The following XIRP1 variants were observed in gnomAD, a reference collection of about 807,000 sequenced individuals.
XIRP1 encodes the protein xin actin binding repeat containing 1.
For synonymous variants in XIRP1, 984 were observed against 947.0 expected (o/e 1.04, Z -0.72); for missense variants, 2,378 against 2,345.4 (o/e 1.01, Z -0.29).
At position 39,184,103 on chromosome 3, in the gene XIRP1, T is replaced by C; in HGVS notation, c.5343A>G (p.Thr1781=). 1.2e-6 allele frequency: 2 copies of C among 1,605,834 alleles called. No homozygotes were observed. Among genetic ancestry groups the C allele is most frequent in the Middle Eastern group, 1.7e-4 (1 of 6,034 alleles). The change falls in exon 2 of 2, where the codon ACA becomes ACG. Residue 1781 remains threonine, a synonymous_variant. Coordinates refer to ENST00000340369, the MANE Select transcript of XIRP1 (RefSeq NM_194293.4). ...TGACTGTGGTGGAAGACATGAGGACTGTGTTCCCAAACTGGTCCACCTCCT... is the reference window on the plus strand; with the variant it reads ...TGACTGTGGTGGAAGACATGAGGACCGTGTTCCCAAACTGGTCCACCTCCT... ...QYEEVDQFGN[T]VLMSSTTVTE...
In XIRP1 at chr3:39,186,960, C is replaced by T. The variant is rs2039990252; in HGVS notation, c.2486G>A (p.Arg829Lys). The T allele has an allele frequency of 1.9e-6, 3 of 1,609,288 alleles. No individual in the cohort carries two copies. The highest frequency in any genetic ancestry group is 1.7e-6 in the Non-Finnish European group (2 of 1,176,096). ...KEELVSGELPRIICQVLRRPD... is the reference protein window; with the variant it reads ...KEELVSGELPKIICQVLRRPD... ...CCGGCGCAGGACTTGGCAGATGATC[C>T]TGGGAAGTTCACCTGACACCAGCTC... Residue 829 changes from arginine to lysine, a missense_variant, in exon 2 of 2, where the codon AGG becomes AAG. Arg to Lys is a conservative substitution (Grantham distance 26, BLOSUM62 2). Transcript: ENST00000340369.
chr3:39,184,663 T>C lies in XIRP1; in HGVS notation c.4783A>G (p.Arg1595Gly). 1.2e-6 allele frequency: 2 copies of C among 1,614,084 alleles called. No homozygotes were observed. ...ACCTCCTGGCCTGAGCCACTGGGCC[T>C]GGCGCTACTGCTGACTGTGACACTG... ...KISVTVSSSARPSGSGQEVGG... is the reference protein window; with the variant it reads ...KISVTVSSSAGPSGSGQEVGG... The change falls in exon 2 of 2, where the codon AGG becomes GGG. Residue 1595 changes from arginine to glycine, a missense_variant. Arg to Gly is a moderately radical substitution (Grantham distance 125). Coordinates refer to ENST00000340369, the MANE Select transcript of XIRP1 (RefSeq NM_194293.4).
rs143000605 is a variant in XIRP1, at chr3:39,187,429, G to T, written c.2017C>A (p.Arg673Ser). ...FETEPLQASG[R>S]PCGRRPVRYC... ...CTCACAGGCCGTCTTCCACAGGGAC[G>T]GCCTGAGGCCTGAAGAGGCTCGGTC... Residue 673 changes from arginine to serine, a missense_variant, in exon 2 of 2, where the codon CGT becomes AGT. Arg to Ser is a moderately radical substitution (Grantham distance 110). Transcript: ENST00000340369. 7.1e-5 allele frequency: 115 copies of T among 1,614,018 alleles called. No homozygotes were observed. The African/African-American group carries it at 1.3e-3, about 19-fold the overall frequency.
Position 39,184,853 on chromosome 3 carries a change from C to A in XIRP1, c.4593G>T (p.Arg1531=), listed in dbSNP as rs761553804. Reference sequence around the variant, plus strand: ...TCAGTTGAGCAACTTCCGTGCTGACCCGTGTCAGCTCCCCAAAGGCCTGCT... The same window carrying A: ...TCAGTTGAGCAACTTCCGTGCTGACACGTGTCAGCTCCCCAAAGGCCTGCT... ...SVEQAFGELT[R]VSTEVAQLKE... is the part of the protein sequence containing the mutation. Residue 1531 remains arginine, a synonymous_variant, in exon 2 of 2, where the codon CGG becomes CGT. Coordinates refer to ENST00000340369, the MANE Select transcript of XIRP1 (RefSeq NM_194293.4). 7 of 1,609,972 alleles carry A rather than the reference C, an allele frequency of 4.3e-6. No homozygotes were observed. In the Admixed American group the frequency reaches 1.0e-4, roughly 23 times the overall value.
Position 39,188,503 on chromosome 3 carries a change from G to T in XIRP1, c.943C>A (p.Pro315Thr), listed in dbSNP as rs369665423. 3.1e-6 allele frequency: 5 copies of T among 1,605,964 alleles called. No individual in the cohort carries two copies. The highest frequency in any genetic ancestry group is 1.3e-5 in the African/African-American group (1 of 74,906). The change falls in exon 2 of 2, where the codon CCC (proline) becomes ACC (threonine). Residue 315 changes from proline (P) to threonine (T), a missense_variant. Transcript: ENST00000340369. Reference sequence around the variant, plus strand: ...AAGATCTCCCGGATGGCATCCAGGGGCTGTGTCTCAAAGATCCAGCGAGTT... The same window carrying T: ...AAGATCTCCCGGATGGCATCCAGGGTCTGTGTCTCAAAGATCCAGCGAGTT... ...SATRWIFETQ[P>T]LDAIREILVD...
At position 39,183,673 on chromosome 3, in the gene XIRP1, A is replaced by G; in HGVS notation, c.*241T>C. On this transcript the variant is annotated 3_prime_UTR_variant, in exon 2 of 2. Coordinates refer to ENST00000340369, the MANE Select transcript of XIRP1 (RefSeq NM_194293.4). ...ATTACATCCTCCACAAGCAGCTGGGAGCCCCCATCCTACCCCCACGCCTGT... is the reference window on the plus strand; with the variant it reads ...ATTACATCCTCCACAAGCAGCTGGGGGCCCCCATCCTACCCCCACGCCTGT... 3 of 590,760 alleles carry G rather than the reference A, an allele frequency of 5.1e-6. No individual in the cohort carries two copies. In the South Asian group the frequency reaches 7.7e-5, roughly 15 times the overall value. 36.6% of individuals were successfully genotyped at this position (590,760 alleles called of 1,614,324 possible).
rs754556018 is a variant in XIRP1 at position 39,184,485 on chromosome 3, A to C, written c.4961T>G (p.Leu1654Trp). Residue 1654 changes from leucine to tryptophan, a missense_variant, in exon 2 of 2, where the codon TTG becomes TGG. By Grantham distance (61) the Leu-to-Trp change is moderately conservative. Coordinates refer to ENST00000340369, the MANE Select transcript of XIRP1 (RefSeq NM_194293.4). ...TRRQETSREY[L>W]CPPRVLPSSR... ...GGAAGGTAAAACCCGAGGAGGGCACAAATACTCTCTTGATGTCTCCTGCCT... is the reference window on the plus strand; with the variant it reads ...GGAAGGTAAAACCCGAGGAGGGCACCAATACTCTCTTGATGTCTCCTGCCT... 5.6e-6 allele frequency: 9 copies of C among 1,613,980 alleles called. No homozygotes were observed. The highest frequency in any genetic ancestry group is 8.5e-7 in the Non-Finnish European group (1 of 1,180,046).
In XIRP1 at chr3:39,185,193, C is replaced by G. The variant is rs373654719; in HGVS notation, c.4253G>C (p.Ser1418Thr). The G allele has an allele frequency of 5.0e-6, 8 of 1,613,038 alleles. No homozygotes were observed. The highest frequency in any genetic ancestry group is 3.3e-4 in the Middle Eastern group (2 of 6,078). ...PRPTKNQATG[S>T]NAQSSEPPKL... ...GGGGGGCTCAGAGCTCTGGGCATTG[C>G]TGCCTGTAGCCTGATTCTTGGTGGG... Residue 1418 changes from serine (S) to threonine (T), a missense_variant, in exon 2 of 2, where the codon AGC (serine) becomes ACC (threonine). By Grantham distance (58) the Ser-to-Thr change is moderately conservative. Transcript: ENST00000340369.
chr3:39,187,707 T>C lies in XIRP1; in HGVS notation c.1739A>G (p.Asp580Gly). 6.2e-7 allele frequency: 1 copy of C among 1,613,734 alleles called. No homozygotes were observed. The highest frequency in any genetic ancestry group is 2.2e-5 in the East Asian group (1 of 44,862). ...RQKEEGKSQG[D>G]PQPEAPPKGD... ...CTTTGGGGGTGCCTCAGGCTGGGGGTCTCCCTGACTCTTCCCTTCTTCTTT... is the reference window on the plus strand; with the variant it reads ...CTTTGGGGGTGCCTCAGGCTGGGGGCCTCCCTGACTCTTCCCTTCTTCTTT... The change falls in exon 2 of 2, where the codon GAC (aspartate) becomes GGC (glycine). Residue 580 changes from aspartate (D) to glycine (G), a missense_variant. By Grantham distance (94) the Asp-to-Gly change is moderately conservative. Transcript: ENST00000340369.
intron 1 of XIRP1, among the ~76,000 whole-genome samples, chr3:39,190,715 T>C (rs1268938761): frequency 1.3e-5 from 2 of 151,716 alleles, no homozygotes; most frequent in Admixed American, 6.6e-5. Context: ...GTCTTATCTC[T>C]CTTGTGACAG....
chr3:39,191,960 T>C (rs2040093542), intron 1 of XIRP1, among the ~76,000 whole-genome samples: 7 of 152,326 alleles, frequency 4.6e-5, no homozygotes, highest in South Asian at 2.1e-4. Context: ...GAGCTATCCC[T>C]GGGCCAGATA....
chr3:39,186,438 G>A lies in XIRP1; in HGVS notation c.3008C>T (p.Pro1003Leu), dbSNP rs745985294. Reference sequence around the variant, plus strand: ...TGGTGCTGCAGCTTCCCCAGCCAGAGGGACTGCCTTTCCAATGGCCTGAGG... The same window carrying A: ...TGGTGCTGCAGCTTCCCCAGCCAGAAGGACTGCCTTTCCAATGGCCTGAGG... ...CPPQAIGKAV[P>L]LAGEAAAPAQ... Residue 1003 changes from proline (P) to leucine (L), a missense_variant, in exon 2 of 2, where the codon CCT becomes CTT. By Grantham distance (98) the Pro-to-Leu change is moderately conservative. Transcript: ENST00000340369. 1.2e-6 allele frequency: 2 copies of A among 1,614,174 alleles called. No homozygotes were observed. The highest frequency in any genetic ancestry group is 1.1e-5 in the South Asian group (1 of 91,078).
At position 39,187,236 on chromosome 3, in the gene XIRP1, A is replaced by T; in HGVS notation, c.2210T>A (p.Met737Lys). ...KFTWLFENCP[M>K]GSLAAESIQG... ...GATGCTCTCAGCTGCCAGGGAGCCC[A>T]TGGGACAATTCTCAAAAAGCCAAGT... The change falls in exon 2 of 2, where the codon ATG (methionine) becomes AAG (lysine). Residue 737 changes from methionine (M) to lysine (K), a missense_variant. Transcript: ENST00000340369. 1 of 1,587,000 alleles carries T rather than the reference A, an allele frequency of 6.3e-7. No individual in the cohort carries two copies. Among genetic ancestry groups the T allele is most frequent in the Non-Finnish European group, 8.6e-7 (1 of 1,163,392 alleles).
rs2040033547 is a variant in XIRP1 at position 39,188,621 on chromosome 3, G to A, written c.825C>T (p.Thr275=). Residue 275 remains threonine, a synonymous_variant, in exon 2 of 2, where the codon ACC becomes ACT. Coordinates refer to ENST00000340369, the MANE Select transcript of XIRP1 (RefSeq NM_194293.4). ...CCTGGTTGATGGCGTCCAGAGGCCG[G>A]GTCTCAAAGAGCCAGCGGGCAGACC... ...AVRSARWLFE[T]RPLDAINQDP... is the part of the protein sequence containing the mutation. 8 of 1,613,354 alleles carry A rather than the reference G, an allele frequency of 5.0e-6. No homozygotes were observed. Among genetic ancestry groups the A allele is most frequent in the South Asian group, 1.1e-5 (1 of 91,082 alleles).
Position 39,187,551 on chromosome 3 carries a change from G to C in XIRP1, c.1895C>G (p.Pro632Arg), listed in dbSNP as rs139648346. Residue 632 changes from proline to arginine, a missense_variant, in exon 2 of 2, where the codon CCC becomes CGC. Transcript: ENST00000340369. ...GCCCACTGGCCTGTCCACAGGTTGG[G>C]GCTTGAACATCCAGGTGCAGGACTG... ...EAQSCTWMFKPQPVDRPVGSR... is the reference protein window; with the variant it reads ...EAQSCTWMFKRQPVDRPVGSR... 5 of 1,614,006 alleles carry C rather than the reference G, an allele frequency of 3.1e-6. No individual in the cohort carries two copies. The East Asian group carries it at 8.9e-5, about 29-fold the overall frequency.
In XIRP1 at chr3:39,187,049, C is replaced by T. The variant is rs1208783956; in HGVS notation, c.2397G>A (p.Glu799=). The change falls in exon 2 of 2, where the codon GAG becomes GAA. Residue 799 remains glutamate, a synonymous_variant. Transcript: ENST00000340369. ...AGAGCACATACTTGGCAAGACAGAG[C>T]TCCCCTGGCCCTCGGGCCTCCATGA... ...GILMEARGPG[E]LCLAKYVLSG... is the part of the protein sequence containing the mutation. The T allele has an allele frequency of 1.9e-6, 3 of 1,611,562 alleles. No individual in the cohort carries two copies. The highest frequency in any genetic ancestry group is 4.5e-5 in the East Asian group (2 of 44,734).
In XIRP1 at chr3:39,186,842, A is replaced by T. The variant is rs764241623; in HGVS notation, c.2604T>A (p.Ser868Arg). The T allele has an allele frequency of 6.2e-7, 1 of 1,613,380 alleles. No individual in the cohort carries two copies. The highest frequency in any genetic ancestry group is 8.5e-7 in the Non-Finnish European group (1 of 1,179,500). ...CAGGGTCCATGTCTTCAATATTCCCACTGCTGCCTGGAGTTGGCAGCCTCA... is the reference window on the plus strand; with the variant it reads ...CAGGGTCCATGTCTTCAATATTCCCTCTGCTGCCTGGAGTTGGCAGCCTCA... ...KPLRLPTPGS[S>R]GNIEDMDPEL... The change falls in exon 2 of 2, where the codon AGT (serine) becomes AGA (arginine). Residue 868 changes from serine (S) to arginine (R), a missense_variant. Physicochemically the swap from Ser to Arg is moderately radical, Grantham distance 110. Transcript: ENST00000340369.
rs765827925 is a variant in XIRP1, at chr3:39,187,568, G to A, written c.1878C>T (p.Cys626=). Residue 626 remains cysteine, a synonymous_variant, in exon 2 of 2, where the codon TGC becomes TGT. Coordinates refer to ENST00000340369, the MANE Select transcript of XIRP1 (RefSeq NM_194293.4). ...CAGGTTGGGGCTTGAACATCCAGGT[G>A]CAGGACTGTGCCTCAGCCTTGGCTG... The part of the protein sequence containing the change: ...DPTAKAEAQS[C]TWMFKPQPVD... 4.4e-5 allele frequency: 71 copies of A among 1,613,930 alleles called. No individual in the cohort carries two copies. The highest frequency in any genetic ancestry group is 5.9e-6 in the Non-Finnish European group (7 of 1,180,050).
At position 39,188,914 on chromosome 3, in the gene XIRP1, T is replaced by C; in HGVS notation, c.532A>G (p.Thr178Ala). The C allele has an allele frequency of 2.5e-6, 4 of 1,613,426 alleles. No homozygotes were observed. The highest frequency in any genetic ancestry group is 1.1e-5 in the South Asian group (1 of 91,088). ...LTGQAKELEA[T>A]VREPAASGDV... ...CCGCTGGCTGCAGGCTCCCTCACAG[T>C]GGCCTCCAGTTCCTTGGCTTGCCCT... The change falls in exon 2 of 2, where the codon ACT (threonine) becomes GCT (alanine). Residue 178 changes from threonine to alanine, a missense_variant. By Grantham distance (58) the Thr-to-Ala change is moderately conservative. Coordinates refer to ENST00000340369, the MANE Select transcript of XIRP1 (RefSeq NM_194293.4).
Sources: allele counts gnomAD v4.1 joint callset (sites outside exome capture counted in the v4.1 genomes callset), GRCh38; gene constraint gnomAD v4.1.1; transcripts MANE v1.5; gene names NCBI Gene and HGNC (gene_info 2026-07-23, HGNC 2026-07-21).